ATP9B: variants seen among roughly 807,000 people sequenced by gnomAD.
The protein encoded by ATP9B is probable phospholipid-transporting ATPase IIB.
A neutral mutation model predicts 146.1 loss-of-function variants in ATP9B; 110 were observed. The ratio of observed to expected loss-of-function variants is 0.75; its 90% CI spans 0.65 to 0.88. ATP9B has a LOEUF of 0.88. ATP9B is among the 40% of genes least tolerant of loss of function. ATP9B has a pLI of 0.00. For missense variants in ATP9B, 1,499 were observed against 1,496.4 expected (o/e 1.00, Z -0.03); for synonymous variants, 604 against 569.7 (o/e 1.06, Z -0.86).
At chr18:79,329,566 C>G (rs2096779230) in intron 16 of ATP9B, among the ~76,000 whole-genome samples, 1 of 151,994 alleles carries the variant, frequency 6.6e-6, no homozygotes, top group South Asian at 2.1e-4. Context: ...TTGAAATCAA[C>G]AACTAAAGCT....
intron 8 of ATP9B, among the ~76,000 whole-genome samples, chr18:79,178,870 C>T (rs1389264188): frequency 6.6e-6 from 1 of 152,132 alleles, no homozygotes; most frequent in Non-Finnish European, 1.5e-5. Context: ...GTAGGCTGGC[C>T]TTATAATGAG....
chr18:79,179,603 T>C (rs2095225605), intron 8 of ATP9B, among the ~76,000 whole-genome samples: 2 of 152,224 alleles, frequency 1.3e-5, no homozygotes, highest in Non-Finnish European at 2.9e-5. Context: ...TTGGGGATTT[T>C]CCCAATGTCT....
At chr18:79,281,392 G>A (rs1018605678) in intron 13 of ATP9B, among the ~76,000 whole-genome samples, 1 of 151,988 alleles carries the variant, frequency 6.6e-6, no homozygotes, top group Non-Finnish European at 1.5e-5. Context: ...AGCTACTCCG[G>A]AGGCTGAGGC....
At position 79,245,091 on chromosome 18, in the gene ATP9B, C is replaced by T. The variant is rs191933043; in HGVS notation, c.1108-8290C>T. 2.4e-3 allele frequency among the ~76,000 whole-genome samples: 366 copies of T among 152,332 alleles called. 2 individuals carry two copies. Among genetic ancestry groups the T allele is most frequent in the South Asian group, 6.4e-3 (31 of 4,826 alleles). ...ACCTCCCACCCCCCACTGTCAGGAT[C>T]TGCTCTTCTTGGAGTTCCTGCAGAG... On this transcript the variant is annotated intron_variant, in intron 11 of 29. Transcript: ENST00000426216.
intron 11 of ATP9B, among the ~76,000 whole-genome samples, chr18:79,236,868 C>G (rs1275341571): frequency 8.5e-6 from 1 of 117,840 alleles, no homozygotes; most frequent in Admixed American, 8.1e-5. Context: ...GGTCCGTGCA[C>G]GAGTCAGTGT....
intron 9 of ATP9B, among the ~76,000 whole-genome samples, chr18:79,201,538 C>T (rs909430154): frequency 1.6e-4 from 24 of 152,032 alleles, no homozygotes; most frequent in African/African-American, 5.3e-4. Flanking sequence ...CCCAGGAGTT[C>T]GAGACCAGCC....
chr18:79,212,555 A>G (rs1471879466), intron 10 of ATP9B, among the ~76,000 whole-genome samples: 1 of 152,202 alleles, frequency 6.6e-6, no homozygotes, highest in Non-Finnish European at 1.5e-5. Context: ...TCATTGTGAT[A>G]ATTTAACATT....
At position 79,377,508 on chromosome 18, in the gene ATP9B, C is replaced by A; in HGVS notation, c.*125C>A. On this transcript the variant is annotated 3_prime_UTR_variant, in exon 30 of 30. Coordinates refer to ENST00000426216, the MANE Select transcript of ATP9B (RefSeq NM_198531.5). The stretch of plus-strand genomic sequence containing the variant: ...CAAGCACCACAAGAAAGGGAGGGTA[C>A]GCCAGGCGAGCCCAGGGCACAGATG... The A allele has an allele frequency of 1.5e-6, 2 of 1,290,414 alleles. No homozygotes were observed. The highest frequency in any genetic ancestry group is 2.1e-6 in the Non-Finnish European group (2 of 946,210). The allele number at this position is 1,290,414 out of a possible 1,614,324, so 79.9% of individuals were successfully genotyped here. A position where few individuals can be genotyped will look rare whatever the true frequency, so the allele number is the denominator to read the frequency against.
intron 7 of ATP9B, among the ~76,000 whole-genome samples, chr18:79,161,762 C>T (rs370551164): frequency 6.6e-5 from 10 of 152,284 alleles, no homozygotes; most frequent in Non-Finnish European, 8.8e-5. Context: ...AGGAGAATGG[C>T]GTGAACCCGG....
intron 13 of ATP9B, among the ~76,000 whole-genome samples, chr18:79,291,955 G>T (rs2096508079): frequency 6.6e-6 from 1 of 152,192 alleles, no homozygotes; most frequent in Non-Finnish European, 1.5e-5. Context: ...CTGAGGACTT[G>T]CCTGTCCTGG....
chr18:79,248,850 A>G (rs1298808849), intron 11 of ATP9B, among the ~76,000 whole-genome samples: 1 of 152,248 alleles, frequency 6.6e-6, no homozygotes, highest in Non-Finnish European at 1.5e-5. Context: ...GGATGCCGAC[A>G]TCCTGTTCAC....
intron 11 of ATP9B, among the ~76,000 whole-genome samples, chr18:79,234,204 C>T (rs895634892): frequency 3.3e-5 from 5 of 152,144 alleles, no homozygotes; most frequent in Admixed American, 6.5e-5. Flanking sequence ...TTTATTTAGA[C>T]GAGGCTAGAG....
At chr18:79,191,139 C>G (rs984023020) in intron 8 of ATP9B, among the ~76,000 whole-genome samples, 6 of 152,152 alleles carry the variant, frequency 3.9e-5, no homozygotes, top group African/African-American at 1.4e-4. Context: ...CTCCACCCCT[C>G]ACTTTAAATA....
chr18:79,101,065 G>C (rs1360192363), intron 2 of ATP9B, among the ~76,000 whole-genome samples: 1 of 151,682 alleles, frequency 6.6e-6, no homozygotes, highest in Non-Finnish European at 1.5e-5. Context: ...TACATCTTAT[G>C]TAACTATAAT....
At chr18:79,227,073 C>T (rs73002020) in intron 11 of ATP9B, among the ~76,000 whole-genome samples, 1,649 of 152,258 alleles carry the variant, frequency 0.011, 24 homozygotes, top group Middle Eastern at 0.017. Flanking sequence ...TTTTGGTGGG[C>T]TATAACCTGT....
intron 22 of ATP9B, 54 bp from the exon 23 acceptor site, chr18:79,345,721 A>C (rs746858703): frequency 9.9e-5 from 160 of 1,608,812 alleles, no homozygotes; most frequent in Admixed American, 8.3e-4. Context: ...GGTAAAAATG[A>C]AAAACGTGAT....
intron 26 of ATP9B, chr18:79,360,375 T>TA (rs1330211862): frequency 6.6e-6 from 1 of 152,196 alleles, no homozygotes; most frequent in African/African-American, 2.4e-5. Flanking sequence ...GATTAGGCAT[T>TA]AAAAAAGAAA....
intron 6 of ATP9B, among the ~76,000 whole-genome samples, chr18:79,152,566 C>G (rs570669652): frequency 1.3e-5 from 2 of 152,284 alleles, no homozygotes; most frequent in East Asian, 3.9e-4. Flanking sequence ...CTTTATTAAG[C>G]ATCCTTACCT....
intron 25 of ATP9B, 78 bp from the exon 26 acceptor site, chr18:79,359,276 C>T (rs1374481954): frequency 8.2e-6 from 9 of 1,098,160 alleles, no homozygotes; most frequent in Admixed American, 2.1e-5. Context: ...GAAGCTGTGA[C>T]CTCTAATCCA....
Sources: allele counts gnomAD v4.1 joint callset (sites outside exome capture counted in the v4.1 genomes callset), GRCh38; gene constraint gnomAD v4.1.1; transcripts MANE v1.5; gene names NCBI Gene and HGNC (gene_info 2026-07-23, HGNC 2026-07-21).